PAK1: variants seen among roughly 807,000 people sequenced by gnomAD.
PAK1 encodes the protein serine/threonine-protein kinase PAK 1.
PAK1 carries 29 observed loss-of-function variants against 67.4 expected under a neutral mutation model. The observed-to-expected ratio is 0.43, with a 90% CI of 0.32 to 0.59. The LOEUF is 0.59. Ranked by LOEUF, PAK1 falls within the 20% of genes least tolerant of loss-of-function variation. The probability of loss-of-function intolerance (pLI) is 0.07; values close to 1 mark genes in which losing one functional copy is unlikely to be tolerated. For missense variants in PAK1, 337 were observed against 670.7 expected (o/e 0.50, Z 5.50); for synonymous variants, 223 against 237.4 (o/e 0.94, Z 0.56).
In PAK1 at chr11:77,435,657, C is replaced by CTTT. The variant is rs35603502; in HGVS notation, c.-22+37892_-22+37894dup. ...TACAGGCGCCCGCCACTACACCTGG[C>CTTT]TTTTTTTTTTTTTTTTTTTTTTTTG... On this transcript the variant is annotated intron_variant, in intron 1 of 14. Transcript: ENST00000356341. 7.6e-3 allele frequency among the ~76,000 whole-genome samples: 518 copies of CTTT among 68,592 alleles called. 50 individuals are homozygous for CTTT. The highest frequency in any genetic ancestry group is 0.029 in the African/African-American group (430 of 14,660). 45.0% of individuals were successfully genotyped at this position (68,592 alleles called of 152,430 possible).
At chr11:77,453,226 C>A (rs982660763) in intron 1 of PAK1, among the ~76,000 whole-genome samples, 4 of 152,092 alleles carry the variant, frequency 2.6e-5, no homozygotes, top group African/African-American at 9.7e-5. Flanking sequence ...GTATGGCGCA[C>A]GCCTATAGTC....
At chr11:77,490,374 T>G in the PAK1 span, among the ~76,000 whole-genome samples, 11 of 47,062 alleles carry the variant, frequency 2.3e-4, no homozygotes, top group Non-Finnish European at 3.4e-4. Flanking sequence ...GTCCGGGAGG[T>G]GAGGGGTGCC....
the PAK1 span, among the ~76,000 whole-genome samples, chr11:77,517,987 G>A: frequency 6.6e-6 from 1 of 152,122 alleles, no homozygotes; most frequent in Non-Finnish European, 1.5e-5. Context: ...AGCTTCGCTC[G>A]CCTGCCACTC....
intron 5 of PAK1, among the ~76,000 whole-genome samples, chr11:77,367,008 A>C (rs910301933): frequency 5.9e-5 from 9 of 152,254 alleles, no homozygotes; most frequent in Non-Finnish European, 8.8e-5. Flanking sequence ...TATGATTTGG[A>C]CATAACAAGA....
Position 77,358,776 on chromosome 11 carries a change from A to G in PAK1, c.597+122T>C, listed in dbSNP as rs558820232. ...TTAGTCAAGGTAGTTCAGTGATTTCACCAGCTCCAAAATCTAAGGACGCCT... is the reference window on the plus strand; with the variant it reads ...TTAGTCAAGGTAGTTCAGTGATTTCGCCAGCTCCAAAATCTAAGGACGCCT... On this transcript the variant is annotated intron_variant, in intron 6 of 14. Transcript: ENST00000356341. 3.3e-6 allele frequency: 3 copies of G among 921,244 alleles called. No individual in the cohort carries two copies. In the East Asian group the frequency reaches 7.2e-5, roughly 22 times the overall value. The allele number at this position is 921,244 out of a possible 1,614,324, so 57.1% of individuals were successfully genotyped here.
intron 1 of PAK1, among the ~76,000 whole-genome samples, chr11:77,452,278 C>T (rs1297854843): frequency 6.6e-6 from 1 of 152,130 alleles, no homozygotes; most frequent in Non-Finnish European, 1.5e-5. Context: ...TTCTGAGAAA[C>T]AGGTCAGTAA....
intron 14 of PAK1, among the ~76,000 whole-genome samples, chr11:77,324,695 C>G (rs576406644): frequency 9.9e-5 from 15 of 151,660 alleles, no homozygotes; most frequent in Non-Finnish European, 2.1e-4. Context: ...ATGAGCATAT[C>G]TGATTCTTCT....
intron 2 of PAK1, among the ~76,000 whole-genome samples, chr11:77,389,603 T>C (rs529812015): frequency 6.6e-6 from 1 of 152,376 alleles, no homozygotes; most frequent in African/African-American, 2.4e-5. Flanking sequence ...ATTTCCCTGA[T>C]GGCTAATGAT....
intron 1 of PAK1, among the ~76,000 whole-genome samples, chr11:77,394,156 A>G (rs149966072): frequency 2.1e-4 from 32 of 152,350 alleles, no homozygotes; most frequent in African/African-American, 6.7e-4. Context: ...GCTGCAGTAG[A>G]AATTATACAT....
chr11:77,444,442 AC>A (rs1469065169), intron 1 of PAK1, among the ~76,000 whole-genome samples: 2 of 152,056 alleles, frequency 1.3e-5, no homozygotes, highest in Non-Finnish European at 2.9e-5. Context: ...TATTGGCCTA[AC>A]CCCCAGAGCC....
the PAK1 span, among the ~76,000 whole-genome samples, chr11:77,495,107 A>G: frequency 6.6e-6 from 1 of 151,554 alleles, no homozygotes; most frequent in African/African-American, 2.4e-5. Context: ...GTTTGCAGAG[A>G]TCCAAGACCA....
At chr11:77,513,422 A>T in the PAK1 span, among the ~76,000 whole-genome samples, 1 of 152,066 alleles carries the variant, frequency 6.6e-6, no homozygotes, top group East Asian at 1.9e-4. Context: ...TAATCCCAGC[A>T]GTTTAAGAGG....
chr11:77,501,011 C>T, the PAK1 span, among the ~76,000 whole-genome samples: 3 of 151,418 alleles, frequency 2.0e-5, no homozygotes, highest in Admixed American at 6.6e-5. Context: ...ATTAGCCGGG[C>T]GTGGTGGCAG....
At chr11:77,414,172 T>C (rs950051283) in intron 1 of PAK1, among the ~76,000 whole-genome samples, 1 of 152,254 alleles carries the variant, frequency 6.6e-6, no homozygotes, top group South Asian at 2.1e-4. Flanking sequence ...GGCTAATTTA[T>C]TATGCCCCTC....
At chr11:77,409,606 TA>T (rs553717703) in intron 1 of PAK1, among the ~76,000 whole-genome samples, 1 of 151,756 alleles carries the variant, frequency 6.6e-6, no homozygotes, top group Non-Finnish European at 1.5e-5. Context: ...TATTCAGCCA[TA>T]AAAAAGAATA....
At chr11:77,465,860 G>T (rs547027607) in intron 1 of PAK1, among the ~76,000 whole-genome samples, 1 of 152,158 alleles carries the variant, frequency 6.6e-6, no homozygotes, top group South Asian at 2.1e-4. Flanking sequence ...AAAGTGAGAC[G>T]ATTGCTTGAG....
chr11:77,423,953 C>A (rs1283949083), intron 1 of PAK1, among the ~76,000 whole-genome samples: 4 of 152,176 alleles, frequency 2.6e-5, no homozygotes, highest in Admixed American at 2.0e-4. Context: ...AATTTAAAAT[C>A]TGAGTCTAGT....
At chr11:77,390,191 T>G (rs1294201456) in intron 2 of PAK1, among the ~76,000 whole-genome samples, 1 of 152,168 alleles carries the variant, frequency 6.6e-6, no homozygotes, top group Non-Finnish European at 1.5e-5. Context: ...TACCCATATC[T>G]TTTATTTTAT....
chr11:77,371,179 T>TA (rs1463366474), intron 5 of PAK1, among the ~76,000 whole-genome samples: 1 of 152,200 alleles, frequency 6.6e-6, no homozygotes, highest in Non-Finnish European at 1.5e-5. Flanking sequence ...CATGGAATCT[T>TA]AGAGTCAGAT....
Sources: gnomAD v4.1 joint callset for allele counts (sites outside exome capture counted in the v4.1 genomes callset) on GRCh38, gnomAD v4.1.1 for gene constraint, MANE v1.5 for transcripts, NCBI Gene and HGNC (gene_info 2026-07-23, HGNC 2026-07-21) for gene names.